Variants in USP32 observed in about 807,000 individuals in gnomAD.
USP32 encodes the protein ubiquitin specific peptidase 32.
Under a neutral mutation model 204.8 loss-of-function variants are expected in USP32, and 59 were observed. The ratio of observed to expected loss-of-function variants is 0.29; its 90% confidence interval spans 0.23 to 0.36. USP32 has a LOEUF of 0.36. Ranked by LOEUF, USP32 falls within the 10% of genes least tolerant of loss-of-function variation. USP32 has a pLI of 1.00. For missense variants in USP32, 1,160 were observed against 1,946.4 expected, an observed-to-expected ratio of 0.60 and a Z score of 7.60; for synonymous variants, 517 against 678.4, an observed-to-expected ratio of 0.76 and a Z score of 3.70.
chr17:60,351,993 A>C (rs1299862514), intron 1 of USP32, among the ~76,000 whole-genome samples: 1 of 152,224 alleles, frequency 6.6e-6, no homozygotes, highest in Non-Finnish European at 1.5e-5. Context: ...ATATAAAAGA[A>C]TAAAGTGGCA....
chr17:60,349,624 T>TATACATATA (rs1491225872), intron 1 of USP32, among the ~76,000 whole-genome samples: 1 of 60,296 alleles, frequency 1.7e-5, no homozygotes, highest in African/African-American at 1.2e-4. Context: ...TATATATATA[T>TATACATATA]TATATATATA....
At chr17:60,384,879 G>C (rs959763484) in intron 1 of USP32, among the ~76,000 whole-genome samples, 10 of 151,936 alleles carry the variant, frequency 6.6e-5, no homozygotes, top group Admixed American at 2.0e-4. Flanking sequence ...AGGTGGAGGC[G>C]GGTGGATCAT....
chr17:60,264,723 G>C (rs1343987597), intron 9 of USP32, among the ~76,000 whole-genome samples: 1 of 151,738 alleles, frequency 6.6e-6, no homozygotes, highest in East Asian at 1.9e-4. Flanking sequence ...CAGCCGGCAT[G>C]GTGGCACACA....
At chr17:60,302,753 G>GA (rs1273713223) in intron 2 of USP32, among the ~76,000 whole-genome samples, 1 of 151,652 alleles carries the variant, frequency 6.6e-6, no homozygotes, top group Non-Finnish European at 1.5e-5. Context: ...ACTTTGATTG[G>GA]AAAAAAAGAT....
At chr17:60,392,178 T>TTCTCTCTCC (rs1239646567), upstream of USP32, 25 of 507,646 alleles carry the variant, frequency 4.9e-5, no homozygotes, top group East Asian at 2.2e-4. Context: ...TACTCCGCCC[T>TTCTCTCTCC]TCTCTCTCCT....
At chr17:60,311,160 GACAA>G (rs983450630) in intron 2 of USP32, among the ~76,000 whole-genome samples, 1 of 151,904 alleles carries the variant, frequency 6.6e-6, no homozygotes, top group Admixed American at 6.6e-5. Flanking sequence ...TAGCATAAAG[GACAA>G]ACATTTAAGG....
intron 1 of USP32, among the ~76,000 whole-genome samples, chr17:60,373,611 G>A (rs1204886137): frequency 2.0e-5 from 3 of 151,756 alleles, no homozygotes; most frequent in Middle Eastern, 3.4e-3. Context: ...CACCACAACC[G>A]GCTAATTTTT....
chr17:60,398,669 T>A (rs1396173247), intron 1 of USP32, among the ~76,000 whole-genome samples: 3 of 152,160 alleles, frequency 2.0e-5, no homozygotes, highest in Non-Finnish European at 2.9e-5. Flanking sequence ...GATTTTTTTT[T>A]AAGTTGCTTA....
In USP32 at chr17:60,269,704, T is replaced by C. The variant is rs2086681020; in HGVS notation, c.704-147A>G. On this transcript the variant is annotated intron_variant, in intron 6 of 33. Coordinates refer to ENST00000300896, the MANE Select transcript of USP32 (RefSeq NM_032582.4). The stretch of plus-strand genomic sequence containing the variant: ...TAGTAGTTCCTAATGTTTCAGGAAG[T>C]ACCTCTTTCCTCTTGGTATAATTAT... The C allele has an allele frequency of 7.1e-6, 4 of 565,202 alleles. No homozygotes were observed. In the Admixed American group the frequency reaches 1.5e-4, roughly 22 times the overall value. The allele number at this position is 565,202 out of a possible 1,614,324, so 35.0% of individuals were successfully genotyped here. A position where few individuals can be genotyped will look rare whatever the true frequency, so the allele number is the denominator to read the frequency against.
intron 16 of USP32, among the ~76,000 whole-genome samples, chr17:60,215,514 G>A (rs935141889): frequency 6.6e-6 from 1 of 151,752 alleles, no homozygotes; most frequent in African/African-American, 2.4e-5. Context: ...AGTGGAGGAG[G>A]TAAAATGAGA....
intron 2 of USP32, among the ~76,000 whole-genome samples, chr17:60,313,976 A>T (rs1396714111): frequency 6.6e-6 from 1 of 152,108 alleles, no homozygotes; most frequent in Non-Finnish European, 1.5e-5. Flanking sequence ...GATGATAAAA[A>T]CTGGTATACA....
At chr17:60,420,069 GTTTATTTTAT>G (rs200207670) in intron 1 of USP32, among the ~76,000 whole-genome samples, 33 of 148,474 alleles carry the variant, frequency 2.2e-4, no homozygotes, top group East Asian at 1.4e-3. Context: ...TATTTATTTT[GTTTATTTTAT>G]TTTATTTTAT....
intron 12 of USP32, chr17:60,231,482 G>A (rs1224286314): frequency 2.1e-6 from 1 of 473,716 alleles, no homozygotes; most frequent in Non-Finnish European, 4.3e-6. Flanking sequence ...AGAGAAGAGA[G>A]GTGTTTCATT....
intron 2 of USP32, among the ~76,000 whole-genome samples, chr17:60,304,067 A>G (rs2087659306): frequency 1.3e-5 from 2 of 152,176 alleles, no homozygotes; most frequent in African/African-American, 4.8e-5. Flanking sequence ...AGAAGTTCAG[A>G]GAACAAGCAG....
At chr17:60,306,725 GA>G (rs2087733870) in intron 2 of USP32, among the ~76,000 whole-genome samples, 1 of 152,134 alleles carries the variant, frequency 6.6e-6, no homozygotes, top group African/African-American at 2.4e-5. Context: ...CTCCAAATTG[GA>G]AAGGAGGTCG....
At chr17:60,192,716 T>C in intron 28 of USP32, 128 bp downstream of exon 28, 2 of 1,208,232 alleles carry the variant, frequency 1.7e-6, no homozygotes, top group South Asian at 2.9e-5. Flanking sequence ...TGAGCCACCG[T>C]GCCCAGCCAC....
intron 2 of USP32, among the ~76,000 whole-genome samples, chr17:60,328,575 G>A (rs993141386): frequency 6.6e-6 from 1 of 152,190 alleles, no homozygotes; most frequent in Non-Finnish European, 1.5e-5. Context: ...TCCACTAAAT[G>A]GCAAGGCTAA....
chr17:60,188,473 AC>A lies in USP32; in HGVS notation c.3642+2089del, dbSNP rs201070858. Among the ~76,000 whole-genome samples, 1,075 of 152,258 alleles carry A rather than the reference AC, an allele frequency of 7.1e-3. 19 individuals carry two copies. The highest frequency in any genetic ancestry group is 0.024 in the African/African-American group (1,010 of 41,536). On this transcript the variant is annotated intron_variant, in intron 29 of 33. Transcript: ENST00000300896. ...GAAGGTATTATTTCCAGTATATGCA[AC>A]TTTATGTCTTGTTTTTTAAAAAATG...
intron 2 of USP32, among the ~76,000 whole-genome samples, chr17:60,324,151 G>A (rs958414378): frequency 7.2e-5 from 11 of 152,006 alleles, no homozygotes; most frequent in African/African-American, 2.7e-4. Flanking sequence ...GGGCATGGTG[G>A]TGCACTTGTG....
Sources: allele counts gnomAD v4.1 joint callset (sites outside exome capture counted in the v4.1 genomes callset), GRCh38; gene constraint gnomAD v4.1.1; transcripts MANE v1.5; gene names NCBI Gene and HGNC (gene_info 2026-07-23, HGNC 2026-07-21).